The following DPP6 variants were observed in gnomAD, a reference collection of about 807,000 sequenced individuals.
DPP6 encodes the protein dipeptidyl peptidase like 6.
DPP6 carries 69 observed loss-of-function variants against 122.6 expected under a neutral mutation model. The ratio of observed to expected loss-of-function variants is 0.56; its 90% CI spans 0.46 to 0.69. The LOEUF (loss-of-function observed/expected upper bound fraction) is 0.69, where lower values mean the gene tolerates loss of function less well. DPP6 is among the 30% of genes least tolerant of loss of function. The pLI, the probability that DPP6 is intolerant of heterozygous loss-of-function variation, is 0.00. For synonymous variants in DPP6, 418 were observed against 433.1 expected, an observed-to-expected ratio of 0.97 and a Z score of 0.43; for missense variants, 928 against 1,116.9, an observed-to-expected ratio of 0.83 and a Z score of 2.41.
intron 1 of DPP6, among the ~76,000 whole-genome samples, chr7:154,317,103 G>T (rs2151010438): frequency 6.6e-6 from 1 of 152,332 alleles, no homozygotes; most frequent in Non-Finnish European, 1.5e-5. Context: ...TCTGGCTACA[G>T]GGCAGACTTT....
At chr7:153,953,275 G>T (rs1163492937) in intron 1 of DPP6, among the ~76,000 whole-genome samples, 2 of 151,854 alleles carry the variant, frequency 1.3e-5, no homozygotes, top group African/African-American at 2.4e-5. Flanking sequence ...AATAAGGGTT[G>T]GTATTATCAC....
chr7:154,689,600 T>C (rs1378025383), intron 7 of DPP6, among the ~76,000 whole-genome samples: 2 of 152,162 alleles, frequency 1.3e-5, no homozygotes, highest in Non-Finnish European at 2.9e-5. Context: ...TCTGTGTTCA[T>C]GGGTGAAATT....
At chr7:153,927,358 A>G (rs997284895) in intron 1 of DPP6, among the ~76,000 whole-genome samples, 1 of 152,198 alleles carries the variant, frequency 6.6e-6, no homozygotes, top group Non-Finnish European at 1.5e-5. Flanking sequence ...ATAATTGTAG[A>G]TATCTGTGGG....
intron 1 of DPP6, among the ~76,000 whole-genome samples, chr7:154,223,036 T>C (rs10224365): frequency 0.84 from 124,253 of 148,550 alleles, 53,136 homozygotes; most frequent in Non-Finnish European, 0.85. Flanking sequence ...GGAACCTGCA[T>C]TGAAAATTGT....
At chr7:154,608,376 G>A (rs978954184) in intron 5 of DPP6, among the ~76,000 whole-genome samples, 13 of 133,456 alleles carry the variant, frequency 9.7e-5, no homozygotes, top group African/African-American at 3.4e-4. Flanking sequence ...TACCCAGGCT[G>A]GAGTGCAGTG....
the DPP6 span, among the ~76,000 whole-genome samples, chr7:153,799,283 A>T: frequency 6.6e-6 from 1 of 152,168 alleles, no homozygotes; most frequent in Non-Finnish European, 1.5e-5. Context: ...GATTTATCTA[A>T]ATATATATAT....
intron 1 of DPP6, among the ~76,000 whole-genome samples, chr7:154,244,677 T>G (rs1201610177): frequency 6.6e-6 from 1 of 151,864 alleles, no homozygotes; most frequent in Admixed American, 6.6e-5. Flanking sequence ...ATCCCTAGAG[T>G]AACAAATTAA....
At chr7:154,228,302 T>A (rs1800725943) in intron 1 of DPP6, among the ~76,000 whole-genome samples, 3 of 152,192 alleles carry the variant, frequency 2.0e-5, no homozygotes. Flanking sequence ...ATCAGTCCAT[T>A]CTTTCCTTCT....
At chr7:154,568,327 G>A (rs933781903) in intron 5 of DPP6, among the ~76,000 whole-genome samples, 2 of 152,226 alleles carry the variant, frequency 1.3e-5, no homozygotes, top group Non-Finnish European at 2.9e-5. Context: ...GCCCCAGGAG[G>A]CACAGCTAAC....
chr7:154,889,512 G>A lies in DPP6; in HGVS notation c.2433G>A (p.Lys811=). 3.7e-6 allele frequency: 6 copies of A among 1,607,310 alleles called. No individual in the cohort carries two copies. The highest frequency in any genetic ancestry group is 1.1e-5 in the South Asian group (1 of 90,026). The part of the protein sequence containing the change: ...AELITQLIRG[K]ANYSLQIYPD... ...TCATTACACAACTAATTAGGGGAAA[G>A]GCTAATTACAGCTTACAGGTACAGT... The change falls in exon 25 of 26, where the codon AAG becomes AAA. Residue 811 remains lysine (K), a synonymous_variant. Coordinates refer to ENST00000377770, the MANE Select transcript of DPP6 (RefSeq NM_130797.4).
At chr7:154,493,043 C>T (rs1004442354) in intron 3 of DPP6, among the ~76,000 whole-genome samples, 4 of 152,106 alleles carry the variant, frequency 2.6e-5, no homozygotes, top group African/African-American at 9.7e-5. Flanking sequence ...TTTAGAAGAT[C>T]GTGCTTCTTA....
At chr7:154,415,406 A>G (rs1816941288) in intron 1 of DPP6, among the ~76,000 whole-genome samples, 1 of 152,154 alleles carries the variant, frequency 6.6e-6, no homozygotes, top group South Asian at 2.1e-4. Context: ...GGCTAAAGTT[A>G]ACTTGCCTTC....
intron 7 of DPP6, among the ~76,000 whole-genome samples, chr7:154,669,962 C>T (rs36092869): frequency 0.13 from 20,291 of 152,056 alleles, 1,609 homozygotes; most frequent in Non-Finnish European, 0.18. Context: ...TGTGTTCAAG[C>T]GATTCTCCTG....
At chr7:154,436,625 A>G (rs925862218) in intron 1 of DPP6, among the ~76,000 whole-genome samples, 2 of 152,216 alleles carry the variant, frequency 1.3e-5, no homozygotes, top group African/African-American at 4.8e-5. Context: ...TTATAATGCA[A>G]AAACTATGGA....
At chr7:154,147,467 TTC>T (rs1796155203) in intron 1 of DPP6, among the ~76,000 whole-genome samples, 3 of 141,726 alleles carry the variant, frequency 2.1e-5, no homozygotes, top group Admixed American at 6.8e-5. Context: ...CCTTCCTTCC[TTC>T]CTTCCTTCCT....
At chr7:154,220,341 C>G (rs1264485978) in intron 1 of DPP6, among the ~76,000 whole-genome samples, 2 of 152,132 alleles carry the variant, frequency 1.3e-5, no homozygotes, top group Non-Finnish European at 2.9e-5. Flanking sequence ...AAACCAAACA[C>G]CTCACTTATA....
At chr7:153,994,451 G>A (rs1278777381) in intron 1 of DPP6, among the ~76,000 whole-genome samples, 1 of 151,668 alleles carries the variant, frequency 6.6e-6, no homozygotes, top group African/African-American at 2.4e-5. Flanking sequence ...TTGGTTGTTA[G>A]TTCTTTTCTA....
intron 16 of DPP6, among the ~76,000 whole-genome samples, chr7:154,825,497 T>C (rs1107520): frequency 0.77 from 117,293 of 152,180 alleles, 45,483 homozygotes; most frequent in Non-Finnish European, 0.82. Flanking sequence ...CTTGATGTTC[T>C]GGGAAGCTCT....
intron 4 of DPP6, among the ~76,000 whole-genome samples, chr7:154,558,579 A>G (rs1830203615): frequency 6.6e-6 from 1 of 152,182 alleles, no homozygotes; most frequent in Non-Finnish European, 1.5e-5. Flanking sequence ...TTATGTTTAG[A>G]TATTTTTAGA....
Sources: allele counts gnomAD v4.1 joint callset (sites outside exome capture counted in the v4.1 genomes callset), GRCh38; gene constraint gnomAD v4.1.1; transcripts MANE v1.5; gene names NCBI Gene and HGNC (gene_info 2026-07-23, HGNC 2026-07-21).